Variants in ACOT7 observed in about 807,000 individuals in gnomAD.
ACOT7 encodes acyl-CoA thioesterase 7, also known as cytosolic acyl coenzyme A thioester hydrolase.
A neutral mutation model predicts 40.2 loss-of-function variants in ACOT7; 12 were observed. The ratio of observed to expected loss-of-function variants is 0.30; its 90% CI spans 0.19 to 0.48. The LOEUF is 0.48. ACOT7 is among the 20% of genes least tolerant of loss of function. The pLI is 0.99. For synonymous variants in ACOT7, 228 were observed against 219.5 expected (o/e 1.04, Z -0.34); for missense variants, 395 against 530.8 (o/e 0.74, Z 2.51).
chr1:6,313,992 G>A (rs551825698), intron 6 of ACOT7, among the ~76,000 whole-genome samples: 5 of 152,258 alleles, frequency 3.3e-5, no homozygotes, highest in African/African-American at 1.2e-4. Flanking sequence ...CCAGGCGAGT[G>A]CAAAGGCCGT....
At chr1:6,279,096 G>A (rs1639281619) in intron 8 of ACOT7, among the ~76,000 whole-genome samples, 1 of 152,226 alleles carries the variant, frequency 6.6e-6, no homozygotes, top group Non-Finnish European at 1.5e-5. Flanking sequence ...GGCCCAGGTG[G>A]GAGTGGAGCC....
intron 1 of ACOT7, among the ~76,000 whole-genome samples, chr1:6,374,013 T>G (rs1291006520): frequency 1.3e-5 from 2 of 152,238 alleles, no homozygotes; most frequent in Non-Finnish European, 2.9e-5. Flanking sequence ...AAGTATCTCT[T>G]TCACCTCCCA....
intron 6 of ACOT7, among the ~76,000 whole-genome samples, chr1:6,305,513 G>A (rs1442740302): frequency 1.3e-5 from 2 of 151,534 alleles, no homozygotes; most frequent in East Asian, 2.0e-4. Flanking sequence ...CTTCTCAGAC[G>A]GGGCGGTTGC....
chr1:6,264,998 C>T (rs74049517), intron 8 of ACOT7, among the ~76,000 whole-genome samples: 4 of 152,152 alleles, frequency 2.6e-5, no homozygotes, highest in African/African-American at 7.2e-5. Context: ...AAGGGCATGG[C>T]GGGTCAGAAG....
At chr1:6,337,816 A>C (rs1641146155) in intron 3 of ACOT7, among the ~76,000 whole-genome samples, 2 of 152,086 alleles carry the variant, frequency 1.3e-5, no homozygotes, top group South Asian at 4.2e-4. Context: ...CTTTACTAAA[A>C]ATACAAAAAT....
In ACOT7 at chr1:6,338,843, G is replaced by A. The variant is rs887037441; in HGVS notation, c.418+590C>T. Among the ~76,000 whole-genome samples the A allele has an allele frequency of 6.6e-5, 10 of 152,300 alleles. No homozygotes were observed. The highest frequency in any genetic ancestry group is 1.9e-4 in the East Asian group (1 of 5,164). ...CCCCAGCCTGGGTATAAAAAGAAGC[G>A]TGAGCTGGTGAACACTGGAGCCGCC... On this transcript the variant is annotated intron_variant, in intron 3 of 8. Transcript: ENST00000361521. This position sits in a 1 kb window ranked among gnomAD's most constrained non-coding sequence, Gnocchi z 4.4.
At chr1:6,393,101 G>A (rs1171030566) in intron 1 of ACOT7, among the ~76,000 whole-genome samples, 156 bp downstream of exon 1, 1 of 150,774 alleles carries the variant, frequency 6.6e-6, no homozygotes, top group Non-Finnish European at 1.5e-5. Context: ...CATCCCGGCC[G>A]GGCGGGCGTC....
chr1:6,309,768 T>C (rs1388503330), intron 6 of ACOT7, among the ~76,000 whole-genome samples: 2 of 152,224 alleles, frequency 1.3e-5, no homozygotes, highest in African/African-American at 4.8e-5. Flanking sequence ...TGCATGATCC[T>C]ATTTTGTAAA....
At chr1:6,336,333 C>CAAAAAAAA (rs3029068) in intron 3 of ACOT7, among the ~76,000 whole-genome samples, 3,679 of 52,660 alleles carry the variant, frequency 0.07, 202 homozygotes, top group Non-Finnish European at 0.097. Context: ...GACTCGGTCT[C>CAAAAAAAA]AAAAAAAAAA....
intron 1 of ACOT7, among the ~76,000 whole-genome samples, chr1:6,362,430 C>CA (rs1309633011): frequency 6.9e-4 from 79 of 113,714 alleles, no homozygotes; most frequent in East Asian, 1.5e-3. Context: ...AACTCCGTCT[C>CA]AAAAAAAAAA....
chr1:6,306,158 C>T lies in ACOT7; in HGVS notation c.713-11178G>A, dbSNP rs998795610. 2.4e-4 allele frequency: 195 copies of T among 800,850 alleles called. 2 individuals carry two copies. The South Asian group carries it at 9.4e-3, about 39-fold the overall frequency. 49.6% of individuals were successfully genotyped at this position (800,850 alleles called of 1,614,324 possible). On this transcript the variant is annotated intron_variant, in intron 6 of 8. Coordinates refer to ENST00000361521, the MANE Select transcript of ACOT7 (RefSeq NM_007274.4). This position sits in a 1 kb window ranked among gnomAD's most constrained non-coding sequence, Gnocchi z 4.3. ...GCAGCAGCACAGTCCAGCTTCGGCT[C>T]GGCATCAGAGGGAGACCGTGGCAAG... is the stretch of plus-strand genomic sequence containing the variant.
At chr1:6,372,903 C>G (rs539265110) in intron 1 of ACOT7, among the ~76,000 whole-genome samples, 1 of 152,184 alleles carries the variant, frequency 6.6e-6, no homozygotes, top group South Asian at 2.1e-4. Flanking sequence ...CACTGGAACA[C>G]TAGAGGTAGG....
At chr1:6,347,853 T>G (rs900070266) in intron 2 of ACOT7, among the ~76,000 whole-genome samples, 5 of 152,076 alleles carry the variant, frequency 3.3e-5, no homozygotes, top group Middle Eastern at 3.2e-3. Flanking sequence ...TGAAGCATTC[T>G]GGAGCTTTGC....
At chr1:6,391,941 CTTTTT>C (rs797015712) in intron 1 of ACOT7, among the ~76,000 whole-genome samples, 1 of 144,924 alleles carries the variant, frequency 6.9e-6, no homozygotes, top group Admixed American at 7.0e-5. Context: ...CAGTTATTTC[CTTTTT>C]TTTTTTTGCC....
Position 6,339,515 on chromosome 1 carries a change from C to T in ACOT7, c.336G>A (p.Ala112=), listed in dbSNP as rs760397210. Reference sequence around the variant, plus strand: ...TGTAGGTGATCTCCGCGCTGACATGCGCCACCTCACCGATGCACATGGGAG... The same window carrying T: ...TGTAGGTGATCTCCGCGCTGACATGTGCCACCTCACCGATGCACATGGGAG... ...FLSPMCIGEV[A]HVSAEITYTS... The change falls in exon 3 of 9, where the codon GCG becomes GCA. Residue 112 remains alanine, a synonymous_variant. Transcript: ENST00000361521. The T allele has an allele frequency of 4.3e-5, 70 of 1,613,582 alleles. No individual in the cohort carries two copies. Among genetic ancestry groups the T allele is most frequent in the Non-Finnish European group, 5.6e-5 (66 of 1,180,038 alleles).
At chr1:6,291,463 G>A (rs77091008) in intron 7 of ACOT7, among the ~76,000 whole-genome samples, 1,839 of 152,274 alleles carry the variant, frequency 0.012, 15 homozygotes, top group Middle Eastern at 0.041. Flanking sequence ...CCCTGCTGAC[G>A]CCTTGATTTC....
At chr1:6,276,074 G>T (rs1639179916) in intron 8 of ACOT7, among the ~76,000 whole-genome samples, 1 of 152,068 alleles carries the variant, frequency 6.6e-6, no homozygotes, top group Non-Finnish European at 1.5e-5. Flanking sequence ...AGGGGCCTCA[G>T]CGAGCCCCTC....
intron 6 of ACOT7, among the ~76,000 whole-genome samples, chr1:6,309,473 C>T (rs940688326): frequency 2.0e-5 from 3 of 151,804 alleles, no homozygotes; most frequent in African/African-American, 7.3e-5. Flanking sequence ...TTTTTTTTTC[C>T]AGTTCCAACA....
Position 6,281,107 on chromosome 1 carries a change from G to T in ACOT7, c.1009C>A (p.Leu337Met), listed in dbSNP as rs1251798273. 1 of 1,613,230 alleles carries T rather than the reference G, an allele frequency of 6.2e-7. No homozygotes were observed. Among genetic ancestry groups the T allele is most frequent in the East Asian group, 2.2e-5 (1 of 44,878 alleles). The change falls in exon 8 of 9, where the codon CTG (leucine) becomes ATG (methionine). Residue 337 changes from leucine to methionine, a missense_variant. Around this residue, in one of 2 missense-constraint regions of ACOT7, gnomAD observed 309 missense variants for 470.3 expected, o/e 0.66. Coordinates refer to ENST00000361521, the MANE Select transcript of ACOT7 (RefSeq NM_007274.4). Reference protein sequence around the residue: ...QEGRSLPVPQLVPETEDEKKR... With the variant: ...QEGRSLPVPQMVPETEDEKKR... ...TTCCAAGGATGCGCACTCACCACCA[G>T]CTGGGGCACAGGCAGCGACCTGCCT...
Sources: allele counts gnomAD v4.1 joint callset (sites outside exome capture counted in the v4.1 genomes callset), GRCh38; gene constraint gnomAD v4.1.1; regional missense constraint gnomAD v4.1.1; non-coding constraint Gnocchi (gnomAD v3.1); transcripts MANE v1.5; gene names NCBI Gene and HGNC (gene_info 2026-07-23, HGNC 2026-07-21).